The following CHM variants were observed in gnomAD, a reference collection of about 807,000 sequenced individuals.
CHM encodes CHM Rab escort protein, also known as rab proteins geranylgeranyltransferase component A 1.
CHM carries 10 observed loss-of-function variants against 49.0 expected under a neutral mutation model. That is an observed-to-expected ratio of 0.20 (90% CI 0.13 to 0.35). The LOEUF (loss-of-function observed/expected upper bound fraction) is 0.35. CHM is among the 10% of genes least tolerant of loss of function. The pLI, the probability that CHM is intolerant of heterozygous loss-of-function variation, is 1.00. For missense variants in CHM, 455 were observed against 478.4 expected, an observed-to-expected ratio of 0.95 and a Z score of 0.46; for synonymous variants, 184 against 167.5, an observed-to-expected ratio of 1.10 and a Z score of -0.76.
At chrX:85,992,809 C>A (rs1237695701) in intron 2 of CHM, among the ~76,000 whole-genome samples, 1 of 112,319 alleles carries the variant, frequency 8.9e-6, no homozygotes, top group East Asian at 2.8e-4. Flanking sequence ...CCCTATGAAT[C>A]TACAAGAAGT....
chrX:85,988,219 A>C (rs1932014655), intron 2 of CHM, among the ~76,000 whole-genome samples: 1 of 112,283 alleles, frequency 8.9e-6, no homozygotes, highest in African/African-American at 3.2e-5. Flanking sequence ...AAATCAATAA[A>C]TGTGATTCAT....
At chrX:85,992,812 C>T (rs1317203821) in intron 2 of CHM, among the ~76,000 whole-genome samples, 1 of 112,289 alleles carries the variant, frequency 8.9e-6, no homozygotes, top group Non-Finnish European at 1.9e-5. Context: ...TATGAATCTA[C>T]AAGAAGTTGC....
intron 4 of CHM, among the ~76,000 whole-genome samples, chrX:85,972,608 G>T (rs1451864694): frequency 8.8e-6 from 1 of 113,108 alleles, no homozygotes. Flanking sequence ...CGGGTGCTAA[G>T]CCCCTCACTG....
At chrX:85,925,155 C>T (rs1340724102) in intron 8 of CHM, among the ~76,000 whole-genome samples, 1 of 111,142 alleles carries the variant, frequency 9.0e-6, no homozygotes, top group East Asian at 2.8e-4. Flanking sequence ...AACATAAAGC[C>T]TTCTAAAATA....
rs780122783 is a variant in CHM at position 85,907,021 on chromosome X, TA to T, written c.1244+4239del. On this transcript the variant is annotated intron_variant, in intron 9 of 14. Transcript: ENST00000357749. ...GTCACGGGCCTGTAATCCCAGCTACTAGGGGGGCTGAGGCAGGAGAATCGCT... is the reference window on the plus strand; with the variant it reads ...GTCACGGGCCTGTAATCCCAGCTACTGGGGGGCTGAGGCAGGAGAATCGCT... Among the ~76,000 whole-genome samples, 6 of 110,795 alleles carry T rather than the reference TA, an allele frequency of 5.4e-5. No individual in the cohort carries two copies. The East Asian group carries it at 1.7e-3, about 32-fold the overall frequency.
chrX:85,876,919 G>A (rs909683186), intron 13 of CHM, among the ~76,000 whole-genome samples: 2 of 111,017 alleles, frequency 1.8e-5, no homozygotes, highest in African/African-American at 6.5e-5. Flanking sequence ...AAAAAGTGAA[G>A]AGTAATGACA....
At chrX:85,911,109 G>T (rs1603247690) in intron 9 of CHM, 152 bp downstream of exon 9, 1 of 22,792 alleles carries the variant, frequency 4.4e-5, no homozygotes, top group South Asian at 3.2e-3. Flanking sequence ...CTTGTGTTTG[G>T]GATATGTGTG....
At chrX:85,916,270 C>A (rs1927447932) in intron 8 of CHM, among the ~76,000 whole-genome samples, 1 of 111,927 alleles carries the variant, frequency 8.9e-6, no homozygotes, top group Non-Finnish European at 1.9e-5. Context: ...AAACTGGACC[C>A]CTTCCTTACA....
chrX:85,996,147 TA>T (rs1276309848), intron 2 of CHM, among the ~76,000 whole-genome samples: 3 of 111,886 alleles, frequency 2.7e-5, no homozygotes, highest in Non-Finnish European at 5.6e-5. Flanking sequence ...GTAAAGAAAA[TA>T]TAAACTAACC....
At chrX:85,969,469 T>G (rs747736063) in intron 4 of CHM, 9 of 701,186 alleles carry the variant, frequency 1.3e-5, no homozygotes, top group Non-Finnish European at 1.5e-5. Context: ...AACTATTACA[T>G]GGTAAGAAAG....
intron 1 of CHM, among the ~76,000 whole-genome samples, chrX:86,036,698 T>C (rs1248492620): frequency 1.8e-5 from 2 of 112,134 alleles, no homozygotes; most frequent in African/African-American, 3.3e-5. Context: ...TCTCATAATG[T>C]TAATGCCAGA....
Position 85,956,186 on chromosome X carries a change from T to C in CHM, c.1133A>G (p.Tyr378Cys). 3 of 1,211,060 alleles carry C rather than the reference T, an allele frequency of 2.5e-6. No individual in the cohort carries two copies. The highest frequency in any genetic ancestry group is 3.4e-6 in the Non-Finnish European group (3 of 895,197). The change falls in exon 8 of 15, where the codon TAT becomes TGT. Residue 378 changes from tyrosine (Y) to cysteine (C), a missense_variant. Transcript: ENST00000357749. ...YGNTPFLFPL[Y>C]GQGELPQCFC... ...ACACTGGGGGAGTTCTCCTTGGCCA[T>C]ATAAAGGAAACAAAAATGGAGTGTT... is the stretch of plus-strand genomic sequence containing the variant.
chrX:85,887,991 T>G (rs1329738728), intron 12 of CHM, among the ~76,000 whole-genome samples: 1 of 112,069 alleles, frequency 8.9e-6, no homozygotes, highest in Non-Finnish European at 1.9e-5. Flanking sequence ...ACAATGAGAT[T>G]GAAAAGAAAA....
chrX:85,928,344 A>G (rs1928212591), intron 8 of CHM, among the ~76,000 whole-genome samples: 1 of 111,442 alleles, frequency 9.0e-6, no homozygotes, highest in East Asian at 2.8e-4. Context: ...GGAGTTTGAG[A>G]CCATCCTGGC....
intron 2 of CHM, among the ~76,000 whole-genome samples, chrX:85,991,205 A>G (rs1932169843): frequency 8.9e-6 from 1 of 111,813 alleles, no homozygotes; most frequent in Admixed American, 9.5e-5. Flanking sequence ...TTTTACAACT[A>G]TTCTCTCATA....
intron 8 of CHM, among the ~76,000 whole-genome samples, chrX:85,924,841 C>G (rs922080940): frequency 8.9e-6 from 1 of 111,754 alleles, no homozygotes; most frequent in African/African-American, 3.3e-5. Flanking sequence ...AATCATCATG[C>G]TTAATCTAGA....
At chrX:86,014,979 T>C (rs1373951867) in intron 2 of CHM, among the ~76,000 whole-genome samples, 1 of 111,524 alleles carries the variant, frequency 9.0e-6, no homozygotes, top group Non-Finnish European at 1.9e-5. Context: ...ACAAAAAACA[T>C]GAGAGGGGTG....
At chrX:86,028,101 G>GA (rs1933910700) in intron 1 of CHM, among the ~76,000 whole-genome samples, 1 of 111,841 alleles carries the variant, frequency 8.9e-6, no homozygotes, top group Non-Finnish European at 1.9e-5. Context: ...AATTTGGCAA[G>GA]AAAAAATAAT....
intron 9 of CHM, among the ~76,000 whole-genome samples, chrX:85,910,958 T>C (rs758740452): frequency 9.0e-5 from 9 of 99,770 alleles, no homozygotes; most frequent in Non-Finnish European, 1.2e-4. Flanking sequence ...GGAAATTAAT[T>C]TAGTTTCTAT....
Sources: gnomAD v4.1 joint callset for allele counts (sites outside exome capture counted in the v4.1 genomes callset) on GRCh38, gnomAD v4.1.1 for gene constraint, MANE v1.5 for transcripts, NCBI Gene and HGNC (gene_info 2026-07-23, HGNC 2026-07-21) for gene names.